Variants in GON4L observed in about 807,000 individuals in gnomAD.
GON4L encodes GON-4-like protein.
A neutral mutation model predicts 211.8 loss-of-function variants in GON4L; 87 were observed. The ratio of observed to expected loss-of-function variants is 0.41; its 90% CI spans 0.35 to 0.49. The LOEUF (loss-of-function observed/expected upper bound fraction) is 0.49, where lower values mean the gene tolerates loss of function less well. Among genes scored for constraint, GON4L ranks in the 20% least tolerant of loss-of-function variants. The probability of loss-of-function intolerance (pLI) is 0.15; values close to 1 mark genes in which losing one functional copy is unlikely to be tolerated. For missense variants in GON4L, 2,155 were observed against 2,659.5 expected (o/e 0.81, Z 4.17); for synonymous variants, 875 against 962.6 (o/e 0.91, Z 1.68).
chr1:155,760,697 T>A, intron 23 of GON4L, 56 bp from the exon 24 acceptor site: 1 of 1,205,286 alleles, frequency 8.3e-7, no homozygotes, highest in Admixed American at 1.7e-5. Context: ...CAACAAGCAA[T>A]AAGGGTACAA....
chr1:155,839,740 A>T (rs1162314487), intron 2 of GON4L, among the ~76,000 whole-genome samples: 2 of 152,170 alleles, frequency 1.3e-5, no homozygotes, highest in African/African-American at 4.8e-5. Context: ...AAGATTTATA[A>T]AGGAGAATTT....
At chr1:155,850,446 C>T (rs1671668534) in intron 2 of GON4L, among the ~76,000 whole-genome samples, 1 of 152,218 alleles carries the variant, frequency 6.6e-6, no homozygotes, top group African/African-American at 2.4e-5. Context: ...GAGCCACATG[C>T]TATGACAAGG....
intron 6 of GON4L, among the ~76,000 whole-genome samples, chr1:155,816,727 C>G (rs2102213026): frequency 7.3e-6 from 1 of 137,778 alleles, no homozygotes; most frequent in African/African-American, 2.7e-5. Flanking sequence ...ATGGACTATT[C>G]TGCCTATGGG....
intron 10 of GON4L, among the ~76,000 whole-genome samples, chr1:155,809,891 TATATATAATTATAAATTATATAC>T (rs1557885844): frequency 1.4e-3 from 3 of 2,092 alleles, no homozygotes; most frequent in Non-Finnish European, 5.0e-3. Context: ...ATTATATACA[TATATATAATTATAAATTATATAC>T]ATATATAATT....
chr1:155,751,625 T>A (rs1660596865), intron 31 of GON4L, 142 bp downstream of exon 31: 4 of 640,286 alleles, frequency 6.2e-6, no homozygotes, highest in Non-Finnish European at 1.1e-5. Flanking sequence ...ACCACCCTGA[T>A]GAGTCAAGCC....
Position 155,824,312 on chromosome 1 carries a change from T to C in GON4L, c.698-1836A>G, listed in dbSNP as rs566666577. ...AGCCGGCCATGGTGGCACGTGCCTG[T>C]AGTCCCAGCTACTTGGGAAGCTGAG... On this transcript the variant is annotated intron_variant, in intron 3 of 31. Transcript: ENST00000368331. 4.0e-5 allele frequency among the ~76,000 whole-genome samples: 6 copies of C among 150,416 alleles called. No individual in the cohort carries two copies. In the South Asian group the frequency reaches 1.0e-3, roughly 26 times the overall value.
chr1:155,836,311 A>T (rs1255314966), intron 2 of GON4L, among the ~76,000 whole-genome samples: 1 of 148,968 alleles, frequency 6.7e-6, no homozygotes. Flanking sequence ...GTGCAGTGGC[A>T]CAATCTCGGC....
intron 2 of GON4L, chr1:155,846,276 A>C: frequency 5.5e-6 from 1 of 181,156 alleles, no homozygotes; most frequent in Non-Finnish European, 1.2e-5. Flanking sequence ...TAATCTCAGC[A>C]CTTTGGGAGG....
Position 155,857,127 on chromosome 1 carries a change from C to T in GON4L, c.-27+20G>A. On this transcript the variant is annotated intron_variant, in intron 1 of 31. Transcript: ENST00000368331. The stretch of plus-strand genomic sequence containing the variant: ...TGTCCCAGCTCCCACCTGCCTCTTC[C>T]CACCCCACCACACACAAACCTGTAC... 6.5e-6 allele frequency: 1 copy of T among 152,702 alleles called. No homozygotes were observed. The highest frequency in any genetic ancestry group is 2.4e-5 in the African/African-American group (1 of 41,572). The allele number at this position is 152,702 out of a possible 1,614,324, so 9.5% of individuals were successfully genotyped here.
intron 4 of GON4L, among the ~76,000 whole-genome samples, chr1:155,821,931 A>C (rs1668774847): frequency 1.3e-5 from 2 of 152,246 alleles, no homozygotes; most frequent in African/African-American, 4.8e-5. Flanking sequence ...AAGTGCAATA[A>C]ACTATTAACC....
rs771645887 is a variant in GON4L at position 155,762,205 on chromosome 1, T to C, written c.4896A>G (p.Gln1632=). ...LREQKDLAFA[Q]AYLTRVREAL... is the part of the protein sequence containing the mutation. ...ATTTGCCTACCCTGGTCAGATAAGC[T>C]TGGGCAAAGGCCAAGTCCTTCTGCT... The change falls in exon 23 of 32, where the codon CAA becomes CAG. Residue 1632 remains glutamine, a synonymous_variant. Transcript: ENST00000368331. 2 of 1,607,570 alleles carry C rather than the reference T, an allele frequency of 1.2e-6. No individual in the cohort carries two copies. Among genetic ancestry groups the C allele is most frequent in the East Asian group, 2.2e-5 (1 of 44,750 alleles).
rs1040891843 is a variant in GON4L, at chr1:155,750,740, A to T, written c.6577-7T>A. 2 of 1,571,688 alleles carry T rather than the reference A, an allele frequency of 1.3e-6. No individual in the cohort carries two copies. The highest frequency in any genetic ancestry group is 4.7e-5 in the East Asian group (2 of 42,640). On this transcript the variant is annotated splice_polypyrimidine_tract_variant and splice_region_variant and intron_variant, in intron 31 of 31. Transcript: ENST00000368331. ...CTCGAAAACGGTGGGAAACCTAAGA[A>T]AGGAGGAGGGCTGTATTCACTGGTC...
At chr1:155,768,842 G>A (rs1055795299) in intron 19 of GON4L, among the ~76,000 whole-genome samples, 1 of 152,156 alleles carries the variant, frequency 6.6e-6, no homozygotes, top group Non-Finnish European at 1.5e-5. Flanking sequence ...ATGATAATAT[G>A]GCTTAGAATT....
intron 11 of GON4L, among the ~76,000 whole-genome samples, chr1:155,797,831 C>T (rs553037863): frequency 1.4e-5 from 2 of 146,256 alleles, no homozygotes; most frequent in African/African-American, 2.5e-5. Flanking sequence ...CCAGCCTGGG[C>T]GAGAGTGAGA....
chr1:155,749,277 GT>G (rs1341930646), downstream of GON4L: 1 of 1,604,342 alleles, frequency 6.2e-7, no homozygotes, highest in Non-Finnish European at 8.5e-7. Context: ...TTCTTAGTTT[GT>G]TATTCATGCT....
Position 155,762,322 on chromosome 1 carries a change from G to C in GON4L, c.4779C>G (p.Asn1593Lys). The part of the protein sequence containing the change: ...GKGRNNHRAR[N>K]KRGSRARASK... ...TGGCCCGAGCCCGACTTCCCCGCTT[G>C]TTGCGAGCTCGATGATTGTTCCGGC... The change falls in exon 23 of 32, where the codon AAC becomes AAG. Residue 1593 changes from asparagine to lysine, a missense_variant. Coordinates refer to ENST00000368331, the MANE Select transcript of GON4L (RefSeq NM_001282860.2). 1 of 1,613,628 alleles carries C rather than the reference G, an allele frequency of 6.2e-7. No homozygotes were observed. Among genetic ancestry groups the C allele is most frequent in the Non-Finnish European group, 8.5e-7 (1 of 1,179,610 alleles).
chr1:155,756,806 G>T, intron 27 of GON4L, 152 bp downstream of exon 27: 2 of 620,306 alleles, frequency 3.2e-6, no homozygotes, highest in East Asian at 2.8e-5. Context: ...GCGCCTGTCT[G>T]TAATTCCAGC....
intron 27 of GON4L, among the ~76,000 whole-genome samples, chr1:155,755,048 G>A (rs977012040): frequency 4.8e-5 from 7 of 147,230 alleles, no homozygotes; most frequent in Non-Finnish European, 7.5e-5. Flanking sequence ...CTGGGACTGC[G>A]CACCACCACG....
intron 3 of GON4L, among the ~76,000 whole-genome samples, chr1:155,824,134 T>C (rs1024282675): frequency 1.3e-5 from 2 of 151,734 alleles, no homozygotes; most frequent in Non-Finnish European, 2.9e-5. Flanking sequence ...TCATCAAGAA[T>C]TGAATGGGGC....
Sources: gnomAD v4.1 joint callset for allele counts (sites outside exome capture counted in the v4.1 genomes callset) on GRCh38, gnomAD v4.1.1 for gene constraint, MANE v1.5 for transcripts, NCBI Gene and HGNC (gene_info 2026-07-23, HGNC 2026-07-21) for gene names.